Variants in KLHDC4 observed in about 807,000 individuals in gnomAD.
KLHDC4 encodes the protein kelch domain containing 4.
Under a neutral mutation model 62.4 loss-of-function variants are expected in KLHDC4, and 90 were observed. That is an observed-to-expected ratio of 1.44 (90% CI 1.22 to 1.72). The LOEUF is 1.72. KLHDC4 is among the 40% of genes most tolerant of loss of function. The pLI, the probability that KLHDC4 is intolerant of heterozygous loss-of-function variation, is 0.00. For synonymous variants in KLHDC4, 386 were observed against 284.4 expected (o/e 1.36, Z -3.59); for missense variants, 1,025 against 699.7 (o/e 1.47, Z -5.25).
chr16:87,724,894 T>C (rs949016847), intron 7 of KLHDC4, among the ~76,000 whole-genome samples: 5 of 152,206 alleles, frequency 3.3e-5, no homozygotes, highest in African/African-American at 9.6e-5. Context: ...GACGTGCTCA[T>C]AGCAGCTTCA....
chr16:87,714,666 G>A, intron 7 of KLHDC4, 93 bp from the exon 8 acceptor site: 10 of 1,340,468 alleles, frequency 7.5e-6, no homozygotes, highest in Non-Finnish European at 1.1e-5. Flanking sequence ...GGATGGAAGG[G>A]GCTGGAGGCC....
At position 87,759,433 on chromosome 16, in the gene KLHDC4, GA is replaced by G. The variant is rs1054045307; in HGVS notation, c.191+2515del. 3.6e-3 allele frequency among the ~76,000 whole-genome samples: 474 copies of G among 132,894 alleles called. 1 individual carries two copies. The highest frequency in any genetic ancestry group is 8.0e-3 in the East Asian group (35 of 4,382). The allele number at this position is 132,894 out of a possible 152,430, so 87.2% of individuals were successfully genotyped here. The stretch of plus-strand genomic sequence containing the variant: ...AACTCCGTCTCAGAAAAGAAAAAAA[GA>G]AAAAAAAAAACTTTTTAAAAATAAT... On this transcript the variant is annotated intron_variant, in intron 2 of 11. Coordinates refer to ENST00000270583, the MANE Select transcript of KLHDC4 (RefSeq NM_017566.4).
intron 5 of KLHDC4, among the ~76,000 whole-genome samples, chr16:87,744,995 C>A (rs1288395183): frequency 6.6e-6 from 1 of 151,042 alleles, no homozygotes; most frequent in Admixed American, 6.6e-5. Context: ...ACGCGGTGCA[C>A]ACACGTGTAC....
At chr16:87,711,868 G>A (rs909558404) in intron 8 of KLHDC4, among the ~76,000 whole-genome samples, 2 of 151,178 alleles carry the variant, frequency 1.3e-5, no homozygotes, top group Non-Finnish European at 3.0e-5. Context: ...GCCTGCACGG[G>A]GACCCTCCAC....
chr16:87,718,642 G>A (rs537383762), intron 7 of KLHDC4, among the ~76,000 whole-genome samples: 7 of 151,906 alleles, frequency 4.6e-5, no homozygotes, highest in East Asian at 2.0e-4. Context: ...CTGCCCGGCC[G>A]CCACCTCGTC....
chr16:87,761,137 A>T (rs2045831069), intron 2 of KLHDC4, among the ~76,000 whole-genome samples: 1 of 152,266 alleles, frequency 6.6e-6, no homozygotes, highest in South Asian at 2.1e-4. Flanking sequence ...AATGGACATG[A>T]AGTGAAAACC....
rs182969491 is a variant in KLHDC4 at position 87,751,856 on chromosome 16, G to A, written c.370-3047C>T. 8.8e-3 allele frequency among the ~76,000 whole-genome samples: 1,288 copies of A among 146,194 alleles called. 8 individuals are homozygous for A. Among genetic ancestry groups the A allele is most frequent in the Non-Finnish European group, 0.011 (728 of 66,308 alleles). ...TGGGAGGCCGAGGCGGGCGGATCAC[G>A]AGGCCAGGAGATTAAGACCATCCTG... is the stretch of plus-strand genomic sequence containing the variant. On this transcript the variant is annotated intron_variant, in intron 4 of 11. Transcript: ENST00000270583.
intron 1 of KLHDC4, among the ~76,000 whole-genome samples, chr16:87,762,473 C>T (rs1393718899): frequency 6.6e-6 from 1 of 152,264 alleles, no homozygotes; most frequent in African/African-American, 2.4e-5. Flanking sequence ...CTCAGCACCT[C>T]TCAGAGCCCA....
At chr16:87,700,836 G>C (rs559979775) in exon 1 of KLHDC4, 2 of 249,582 alleles carry the variant, frequency 8.0e-6, no homozygotes, top group African/African-American at 2.5e-5. Context: ...GGAGGTTGGA[G>C]GGCGGAGGGA....
chr16:87,750,686 C>G (rs2043792999), intron 4 of KLHDC4, among the ~76,000 whole-genome samples: 1 of 152,342 alleles, frequency 6.6e-6, no homozygotes. Context: ...CCCGGCACCT[C>G]TGAGTCGGTG....
At chr16:87,698,272 G>A (rs1129212) in exon 1 of KLHDC4, 11,807 of 152,294 alleles carry the variant, frequency 0.078, 663 homozygotes, top group Non-Finnish European at 0.11. Flanking sequence ...TGATAATGTC[G>A]CTTTCTAAAG....
intron 2 of KLHDC4, among the ~76,000 whole-genome samples, chr16:87,759,105 G>C (rs760170878): frequency 3.9e-5 from 6 of 152,150 alleles, no homozygotes; most frequent in African/African-American, 4.8e-5. Context: ...CTGGGAGGTG[G>C]AGGTTGCGGT....
intron 5 of KLHDC4, among the ~76,000 whole-genome samples, chr16:87,731,732 C>T (rs148679143): frequency 6.6e-6 from 1 of 152,310 alleles, no homozygotes; most frequent in Non-Finnish European, 1.5e-5. Flanking sequence ...AAGGAAAACA[C>T]CAGTCCACAC....
downstream of KLHDC4, among the ~76,000 whole-genome samples, chr16:87,703,774 CAG>C (rs1265828393): frequency 2.6e-5 from 4 of 152,222 alleles, no homozygotes; most frequent in Admixed American, 2.6e-4. Context: ...TTGGCCATGA[CAG>C]TGTGTCAGCT....
Position 87,709,261 on chromosome 16 carries a change from T to A in KLHDC4, c.1447+4A>T, listed in dbSNP as rs755761939. ...GCACGGAGGCACCAAGCTGCCTGGC[T>A]CACCTGGGTCCATCTCCACCAAGGC... On this transcript the variant is annotated splice_donor_region_variant and intron_variant, in intron 10 of 11. Transcript: ENST00000270583. 3 of 1,602,980 alleles carry A rather than the reference T, an allele frequency of 1.9e-6. 1 individual carries two copies. The South Asian group carries it at 3.3e-5, about 18-fold the overall frequency.
exon 1 of KLHDC4, chr16:87,701,553 C>T (rs1384373812): frequency 2.5e-6 from 1 of 401,874 alleles, no homozygotes; most frequent in Non-Finnish European, 5.1e-6. Context: ...CGTGAGCTCA[C>T]CCCATGTGTA....
chr16:87,734,859 T>C (rs190735508), intron 5 of KLHDC4, among the ~76,000 whole-genome samples: 78 of 151,316 alleles, frequency 5.2e-4, no homozygotes, highest in African/African-American at 1.6e-3. Context: ...ACACTACACA[T>C]GAGAGTCAAT....
intron 5 of KLHDC4, among the ~76,000 whole-genome samples, chr16:87,739,575 G>C (rs1176052730): frequency 9.5e-5 from 11 of 115,692 alleles, no homozygotes; most frequent in African/African-American, 2.1e-4. Context: ...ACACCAGCAC[G>C]TCATCCATCC....
intron 4 of KLHDC4, 114 bp downstream of exon 4, chr16:87,755,080 C>T (rs1019797): frequency 1.5e-6 from 1 of 671,004 alleles, no homozygotes; most frequent in African/African-American, 1.8e-5. Flanking sequence ...ACCAGGCGAT[C>T]TACAGGGCCC....
Sources: gnomAD v4.1 joint callset for allele counts (sites outside exome capture counted in the v4.1 genomes callset) on GRCh38, gnomAD v4.1.1 for gene constraint, MANE v1.5 for transcripts, NCBI Gene and HGNC (gene_info 2026-07-23, HGNC 2026-07-21) for gene names.